The following DCC variants were observed in gnomAD, a reference collection of about 807,000 sequenced individuals.
The protein encoded by DCC is DCC netrin 1 receptor, also known as netrin receptor DCC.
Under a neutral mutation model 172.5 loss-of-function variants are expected in DCC, and 58 were observed. The ratio of observed to expected loss-of-function variants is 0.34; its 90% confidence interval spans 0.27 to 0.42. The LOEUF (loss-of-function observed/expected upper bound fraction) is 0.42. Ranked by LOEUF, DCC falls within the 10% of genes least tolerant of loss-of-function variation. The pLI, the probability that DCC is intolerant of heterozygous loss-of-function variation, is 1.00. For missense variants in DCC, 1,740 were observed against 1,791.0 expected (o/e 0.97, Z 0.51); for synonymous variants, 709 against 644.5 (o/e 1.10, Z -1.52).
rs1157229013 is a variant in DCC at position 53,532,943 on chromosome 18, G to A, written c.*2290G>A. ...TACATGTTATTTGTCTTCAGTGGAA[G>A]TTATATTTCTGCTGCATGCTTTTGA... On this transcript the variant is annotated 3_prime_UTR_variant, in exon 29 of 29. Transcript: ENST00000442544. The A allele has an allele frequency of 1.3e-5, 2 of 152,014 alleles. No individual in the cohort carries two copies. The highest frequency in any genetic ancestry group is 3.9e-4 in the East Asian group (2 of 5,190). The allele number at this position is 152,014 out of a possible 1,614,324, so 9.4% of individuals were successfully genotyped here.
At chr18:52,541,891 ATATATGTGTATATATATATG>A (rs2032469173) in intron 1 of DCC, among the ~76,000 whole-genome samples, 1 of 115,798 alleles carries the variant, frequency 8.6e-6, no homozygotes, top group Non-Finnish European at 1.9e-5. Context: ...ATATATATAT[ATATATGTGTATATATATATG>A]TACACAATCC....
At chr18:53,313,050 G>GAGGGAAGGGAAGAAGGAAGGGAAGAAGGA (rs151308003) in intron 13 of DCC, among the ~76,000 whole-genome samples, 3 of 105,006 alleles carry the variant, frequency 2.9e-5, no homozygotes, top group Non-Finnish European at 5.8e-5. Context: ...GGGAAGAAGG[G>GAGGGAAGGGAAGAAGGAAGGGAAGAAGGA]AGGGAAGGAA....
intron 15 of DCC, 77 bp from the exon 16 acceptor site, chr18:53,385,966 G>C (rs1908133910): frequency 1.0e-6 from 1 of 980,246 alleles, no homozygotes; most frequent in Admixed American, 1.8e-5. Flanking sequence ...AATTTGTTTT[G>C]AGGAAAATGT....
intron 21 of DCC, among the ~76,000 whole-genome samples, chr18:53,423,691 T>C (rs1032231080): frequency 2.0e-5 from 3 of 152,222 alleles, no homozygotes; most frequent in African/African-American, 7.2e-5. Flanking sequence ...ATTTTTATTG[T>C]GTTTTCCATT....
At chr18:52,726,387 C>G (rs948239023) in intron 1 of DCC, among the ~76,000 whole-genome samples, 9 of 152,156 alleles carry the variant, frequency 5.9e-5, no homozygotes, top group African/African-American at 1.9e-4. Context: ...AACCTCATCT[C>G]TTTCCACCAT....
chr18:52,343,646 A>G (rs964550728), intron 1 of DCC, among the ~76,000 whole-genome samples: 1 of 152,226 alleles, frequency 6.6e-6, no homozygotes, highest in African/African-American at 2.4e-5. Flanking sequence ...CTCAGATAAG[A>G]TAACAATTTT....
intron 2 of DCC, among the ~76,000 whole-genome samples, chr18:52,790,894 A>G (rs2037752550): frequency 6.6e-6 from 1 of 152,188 alleles, no homozygotes; most frequent in African/African-American, 2.4e-5. Flanking sequence ...TATACCTATC[A>G]GGGTCATTAG....
intron 1 of DCC, among the ~76,000 whole-genome samples, chr18:52,607,374 T>C (rs1252497668): frequency 6.6e-6 from 1 of 152,158 alleles, no homozygotes; most frequent in African/African-American, 2.4e-5. Flanking sequence ...CAGTGAGCAC[T>C]TGAAGTCCCT....
At chr18:53,120,879 T>C (rs1351505550) in intron 7 of DCC, among the ~76,000 whole-genome samples, 1 of 151,890 alleles carries the variant, frequency 6.6e-6, no homozygotes, top group Non-Finnish European at 1.5e-5. Flanking sequence ...GATGTTTGTT[T>C]AGGGCAAGTG....
intron 1 of DCC, among the ~76,000 whole-genome samples, chr18:52,532,224 GA>G (rs2032171061): frequency 6.6e-6 from 1 of 152,166 alleles, no homozygotes; most frequent in East Asian, 1.9e-4. Context: ...TTGGCACTTA[GA>G]AAAAAAGTTC....
intron 9 of DCC, among the ~76,000 whole-genome samples, chr18:53,199,313 A>G (rs1297642067): frequency 6.6e-6 from 1 of 151,254 alleles, no homozygotes; most frequent in Non-Finnish European, 1.5e-5. Flanking sequence ...CTGGTCTTGA[A>G]CTCCTGGCCT....
At chr18:52,541,638 G>T (rs929404119) in intron 1 of DCC, among the ~76,000 whole-genome samples, 2 of 151,958 alleles carry the variant, frequency 1.3e-5, no homozygotes, top group Non-Finnish European at 2.9e-5. Context: ...AGTTTGCCTT[G>T]TTCATGGAAC....
intron 21 of DCC, among the ~76,000 whole-genome samples, chr18:53,428,680 A>G (rs1911307781): frequency 3.3e-5 from 2 of 61,188 alleles, no homozygotes; most frequent in South Asian, 1.1e-3. Flanking sequence ...TATAATATAT[A>G]TTTTTATATA....
intron 1 of DCC, among the ~76,000 whole-genome samples, chr18:52,437,352 G>T (rs768456275): frequency 3.9e-5 from 6 of 152,114 alleles, no homozygotes; most frequent in Non-Finnish European, 8.8e-5. Context: ...CCACAGGCTG[G>T]CAGTCTTGGC....
intron 1 of DCC, among the ~76,000 whole-genome samples, chr18:52,503,486 T>C (rs1355780633): frequency 1.3e-5 from 2 of 152,188 alleles, no homozygotes; most frequent in Admixed American, 6.6e-5. Flanking sequence ...TACGTTTACC[T>C]ATGAAAAAAT....
At chr18:53,081,855 A>G (rs1054674538) in intron 7 of DCC, among the ~76,000 whole-genome samples, 1 of 152,112 alleles carries the variant, frequency 6.6e-6, no homozygotes, top group African/African-American at 2.4e-5. Context: ...AACAGTCTTC[A>G]CATAACTATT....
chr18:53,343,247 G>C (rs973547626), intron 15 of DCC, among the ~76,000 whole-genome samples: 1 of 151,756 alleles, frequency 6.6e-6, no homozygotes, highest in Non-Finnish European at 1.5e-5. Flanking sequence ...CTTTGTGTCT[G>C]ATCTTAGGAG....
chr18:53,055,400 A>C (rs984924740), intron 5 of DCC, among the ~76,000 whole-genome samples: 1 of 152,194 alleles, frequency 6.6e-6, no homozygotes, highest in Non-Finnish European at 1.5e-5. Flanking sequence ...AGAGCACCCA[A>C]GCACATTCCC....
intron 2 of DCC, among the ~76,000 whole-genome samples, chr18:52,795,644 G>T (rs975572836): frequency 2.6e-5 from 4 of 151,680 alleles, no homozygotes; most frequent in Admixed American, 6.6e-5. Context: ...TGCTAATTTT[G>T]TTCTGTTTTC....
Sources: gnomAD v4.1 joint callset for allele counts (sites outside exome capture counted in the v4.1 genomes callset) on GRCh38, gnomAD v4.1.1 for gene constraint, MANE v1.5 for transcripts, NCBI Gene and HGNC (gene_info 2026-07-23, HGNC 2026-07-21) for gene names.